The following SDK1 variants were observed in gnomAD, a reference collection of about 807,000 sequenced individuals.
SDK1 encodes protein sidekick-1.
Under a neutral mutation model 245.5 loss-of-function variants are expected in SDK1, and 157 were observed. The ratio of observed to expected loss-of-function variants is 0.64; its 90% CI spans 0.56 to 0.73. The LOEUF (loss-of-function observed/expected upper bound fraction) is 0.73. Among genes scored for constraint, SDK1 ranks in the 30% least tolerant of loss-of-function variants. SDK1 has a pLI of 0.00. For missense variants in SDK1, 3,583 were observed against 3,002.3 expected, an observed-to-expected ratio of 1.19 and a Z score of -4.52; for synonymous variants, 1,647 against 1,278.5, an observed-to-expected ratio of 1.29 and a Z score of -6.15.
intron 5 of SDK1, among the ~76,000 whole-genome samples, chr7:3,912,954 C>G (rs983306319): frequency 6.6e-6 from 1 of 152,340 alleles, no homozygotes; most frequent in East Asian, 1.9e-4. Flanking sequence ...TCAAAGCAAC[C>G]GTGGAGGGCC....
chr7:4,183,111 C>T (rs1400837137), intron 35 of SDK1, among the ~76,000 whole-genome samples: 1 of 152,150 alleles, frequency 6.6e-6, no homozygotes, highest in East Asian at 1.9e-4. Flanking sequence ...GAAAACGGTC[C>T]TCATGTGCTG....
Position 4,220,204 on chromosome 7 carries a change from G to A in SDK1, c.5635G>A (p.Val1879Ile), listed in dbSNP as rs150886065. Reference sequence around the variant, plus strand: ...CAAGGGAGTGACCTATTTCTTCCGTGTCCAAGCGCGGACCATCACCTACGG... The same window carrying A: ...CAAGGGAGTGACCTATTTCTTCCGTATCCAAGCGCGGACCATCACCTACGG... ...LTKGVTYFFR[V>I]QARTITYGPE... is the part of the protein sequence containing the mutation. The change falls in exon 39 of 45, where the codon GTC becomes ATC. Residue 1879 changes from valine (V) to isoleucine (I), a missense_variant. Physicochemically the swap from Val to Ile is conservative, Grantham distance 29. Transcript: ENST00000404826. 6.2e-7 allele frequency: 1 copy of A among 1,613,944 alleles called. No homozygotes were observed. Among genetic ancestry groups the A allele is most frequent in the Non-Finnish European group, 8.5e-7 (1 of 1,180,034 alleles).
intron 1 of SDK1, among the ~76,000 whole-genome samples, chr7:3,466,272 C>T (rs578076382): frequency 1.1e-3 from 161 of 151,718 alleles, no homozygotes; most frequent in Non-Finnish European, 2.0e-3. Context: ...CCGTGTTCTG[C>T]AGGCTCTGCC....
intron 1 of SDK1, among the ~76,000 whole-genome samples, chr7:3,545,697 A>C (rs1362005813): frequency 6.6e-5 from 10 of 152,220 alleles, no homozygotes; most frequent in Non-Finnish European, 5.9e-5. Context: ...TTACCAGGCC[A>C]GAGCTGGGCA....
intron 13 of SDK1, among the ~76,000 whole-genome samples, chr7:3,986,428 T>G (rs1220704316): frequency 6.6e-6 from 1 of 152,180 alleles, no homozygotes; most frequent in East Asian, 1.9e-4. Flanking sequence ...ATGCAGGCAT[T>G]TTCGCTCATA....
chr7:3,691,582 C>T lies in SDK1; in HGVS notation c.713+49477C>T, dbSNP rs570628028. 9.2e-5 allele frequency among the ~76,000 whole-genome samples: 14 copies of T among 152,160 alleles called. 1 individual carries two copies. Among genetic ancestry groups the T allele is most frequent in the Middle Eastern group, 3.4e-3 (1 of 294 alleles). Reference sequence around the variant, plus strand: ...AAAGTAGAAGATAAATGTTTTCTGCCGGCATGATATTTTAAAAGGAAAAAT... The same window carrying T: ...AAAGTAGAAGATAAATGTTTTCTGCTGGCATGATATTTTAAAAGGAAAAAT... On this transcript the variant is annotated intron_variant, in intron 4 of 44. Transcript: ENST00000404826.
At chr7:3,398,214 G>A (rs369636745) in intron 1 of SDK1, among the ~76,000 whole-genome samples, 1 of 151,774 alleles carries the variant, frequency 6.6e-6, no homozygotes, top group African/African-American at 2.4e-5. Flanking sequence ...TATTTTCTTT[G>A]GGCTTCCCTA....
rs139034266 is a variant in SDK1, at chr7:3,442,708, T to G, written c.298+140824T>G. 2.5e-3 allele frequency among the ~76,000 whole-genome samples: 376 copies of G among 152,324 alleles called. 4 individuals are homozygous for G. The highest frequency in any genetic ancestry group is 8.7e-3 in the African/African-American group (360 of 41,574). Reference sequence around the variant, plus strand: ...AATTAAAAGTGAGTAATTGTACAAGTTTAGTGCACTTGATATGTTTTGTTT... The same window carrying G: ...AATTAAAAGTGAGTAATTGTACAAGGTTAGTGCACTTGATATGTTTTGTTT... On this transcript the variant is annotated intron_variant, in intron 1 of 44. Transcript: ENST00000404826.
chr7:3,750,554 A>C (rs1210249308), intron 4 of SDK1, among the ~76,000 whole-genome samples: 1 of 152,160 alleles, frequency 6.6e-6, no homozygotes, highest in African/African-American at 2.4e-5. Flanking sequence ...ATTGAGTTCA[A>C]CTCCAAAAAC....
intron 24 of SDK1, among the ~76,000 whole-genome samples, chr7:4,113,790 A>G (rs1378337152): frequency 6.6e-6 from 1 of 152,252 alleles, no homozygotes; most frequent in Non-Finnish European, 1.5e-5. Context: ...TAATCAGAAC[A>G]TTTGCCCACA....
At chr7:3,986,470 G>A (rs145879817) in intron 13 of SDK1, among the ~76,000 whole-genome samples, 5 of 152,330 alleles carry the variant, frequency 3.3e-5, no homozygotes, top group African/African-American at 1.2e-4. Context: ...AAACATTCCC[G>A]TTACATGTAT....
chr7:4,116,059 A>G lies in SDK1; in HGVS notation c.3823+1785A>G, dbSNP rs142284753. Among the ~76,000 whole-genome samples the G allele has an allele frequency of 5.1e-3, 771 of 152,108 alleles. 7 individuals carry two copies. Among genetic ancestry groups the G allele is most frequent in the African/African-American group, 0.017 (692 of 41,494 alleles). On this transcript the variant is annotated intron_variant, in intron 25 of 44. Transcript: ENST00000404826. ...AGGACAGAGGAGTTTAAAAGGGAGG[A>G]AAGCATAGACACTTGGGGGGCCCAG...
intron 20 of SDK1, among the ~76,000 whole-genome samples, chr7:4,074,884 C>CTGTG (rs1554332410): frequency 1.6e-5 from 1 of 62,490 alleles, no homozygotes; most frequent in Non-Finnish European, 2.8e-5. Context: ...CTCTCTCTCT[C>CTGTG]TGTATATATA....
At chr7:3,633,243 G>T (rs1466274905) in intron 2 of SDK1, among the ~76,000 whole-genome samples, 1 of 152,096 alleles carries the variant, frequency 6.6e-6, no homozygotes, top group Non-Finnish European at 1.5e-5. Context: ...GATATTGACA[G>T]TCCCCCCACC....
chr7:4,089,819 T>A (rs1781674392), intron 22 of SDK1, among the ~76,000 whole-genome samples: 1 of 152,194 alleles, frequency 6.6e-6, no homozygotes, highest in Non-Finnish European at 1.5e-5. Flanking sequence ...AGAATTCCCC[T>A]CCACCCAAAG....
At chr7:3,507,672 G>C (rs6462121) in intron 1 of SDK1, among the ~76,000 whole-genome samples, 60,109 of 151,916 alleles carry the variant, frequency 0.4, 12,898 homozygotes, top group African/African-American at 0.57. Flanking sequence ...ATTCTAAGTG[G>C]TTAGTAGCCA....
chr7:4,197,650 G>T (rs1257246194), intron 35 of SDK1, among the ~76,000 whole-genome samples: 2 of 152,200 alleles, frequency 1.3e-5, no homozygotes, highest in East Asian at 1.9e-4. Context: ...CCTGGTGCTG[G>T]CGTCAGGCTC....
intron 35 of SDK1, among the ~76,000 whole-genome samples, chr7:4,181,681 C>T (rs553360724): frequency 6.6e-6 from 1 of 152,354 alleles, no homozygotes; most frequent in South Asian, 2.1e-4. Flanking sequence ...GGCTCTGCCA[C>T]CTGCACCCTT....
At chr7:4,069,745 G>C (rs1470042474) in intron 20 of SDK1, among the ~76,000 whole-genome samples, 1 of 152,216 alleles carries the variant, frequency 6.6e-6, no homozygotes, top group South Asian at 2.1e-4. Context: ...GGATGACAGC[G>C]GCAATGATGA....
Sources: allele counts gnomAD v4.1 joint callset (sites outside exome capture counted in the v4.1 genomes callset), GRCh38; gene constraint gnomAD v4.1.1; transcripts MANE v1.5; gene names NCBI Gene and HGNC (gene_info 2026-07-23, HGNC 2026-07-21).